The following LSM14B variants were observed in gnomAD, a reference collection of about 807,000 sequenced individuals.
LSM14B encodes LSM family member 14B.
A neutral mutation model predicts 42.1 loss-of-function variants in LSM14B; 8 were observed. The observed-to-expected ratio is 0.19, with a 90% CI of 0.11 to 0.34. The LOEUF (loss-of-function observed/expected upper bound fraction) is 0.34. Among genes scored for constraint, LSM14B ranks in the 10% least tolerant of loss-of-function variants. LSM14B has a pLI of 1.00. For missense variants in LSM14B, 396 were observed against 513.1 expected (o/e 0.77, Z 2.21); for synonymous variants, 219 against 209.7 (o/e 1.04, Z -0.38).
At chr20:62,127,593 G>T in intron 3 of LSM14B, 2 of 1,550,510 alleles carry the variant, frequency 1.3e-6, no homozygotes, top group Non-Finnish European at 1.7e-6. Context: ...AGAGAAGTTG[G>T]TAAGCCCTCC....
In LSM14B at chr20:62,124,798, C is replaced by T. The variant is rs1417985393; in HGVS notation, c.291+18C>T. The T allele has an allele frequency of 1.9e-6, 3 of 1,607,640 alleles. No homozygotes were observed. Among genetic ancestry groups the T allele is most frequent in the Admixed American group, 1.7e-5 (1 of 59,454 alleles). ...TTGTTCAGGTAAGTGTGCCACTGTC[C>T]CTCTGTGCATGCTGTAGGAGATGCT... is the stretch of plus-strand genomic sequence containing the variant. On this transcript the variant is annotated intron_variant, in intron 2 of 8. Coordinates refer to ENST00000279068, the MANE Select transcript of LSM14B (RefSeq NM_144703.3).
In LSM14B at chr20:62,134,160, C is replaced by T. The variant is rs893525121; in HGVS notation, c.*15-3C>T. The T allele has an allele frequency of 8.8e-6, 4 of 454,304 alleles. No individual in the cohort carries two copies. The highest frequency in any genetic ancestry group is 1.8e-5 in the Non-Finnish European group (4 of 218,674). The allele number at this position is 454,304 out of a possible 1,614,324, so 28.1% of individuals were successfully genotyped here. A position where few individuals can be genotyped will look rare whatever the true frequency, so the allele number is the denominator to read the frequency against. ...ATGCTTGACTTCCTGTCATCTCTTG[C>T]AGGCTCCTACTGAAGTGGCGCATAA... On this transcript the variant is annotated splice_region_variant and splice_polypyrimidine_tract_variant and intron_variant, in intron 8 of 8. Transcript: ENST00000279068.
chr20:62,127,938 G>T, intron 3 of LSM14B: 2 of 662,894 alleles, frequency 3.0e-6, no homozygotes, highest in Non-Finnish European at 2.8e-6. Context: ...CAGGTTCTCT[G>T]TTGACCTGTA....
rs780108008 is a variant in LSM14B, at chr20:62,130,531, A to T, written c.675A>T (p.Gly225=). The stretch of plus-strand genomic sequence containing the variant: ...CAGGGCTGTCCTTTGTCCTCACAGG[A>T]AACAGGCGAACAAGGAATCGCTCCA... ...ENRRPQRRRS[G]NRRTRNRSRG... is the part of the protein sequence containing the mutation. Residue 225 remains glycine (G), a splice_region_variant and synonymous_variant, in exon 6 of 9, where the codon GGA becomes GGT. Coordinates refer to ENST00000279068, the MANE Select transcript of LSM14B (RefSeq NM_144703.3). The surrounding 1 kb of genome is among the most constrained non-coding windows in gnomAD (Gnocchi z 4.1). The T allele has an allele frequency of 1.2e-6, 2 of 1,613,678 alleles. No individual in the cohort carries two copies. The highest frequency in any genetic ancestry group is 1.7e-6 in the Non-Finnish European group (2 of 1,179,720).
rs1368363556 is a variant in LSM14B at position 62,130,638 on chromosome 20, A to G, written c.782A>G (p.Gln261Arg). The change falls in exon 6 of 9, where the codon CAG (glutamine) becomes CGG (arginine). Residue 261 changes from glutamine (Q) to arginine (R), a missense_variant. Gln to Arg is a conservative substitution (Grantham distance 43). Coordinates refer to ENST00000279068, the MANE Select transcript of LSM14B (RefSeq NM_144703.3). The surrounding 1 kb of genome is among the most constrained non-coding windows in gnomAD (Gnocchi z 4.1). The part of the protein sequence containing the change: ...GDFDFESANA[Q>R]FNREELDKEF... ...TTTGATTTCGAGAGTGCAAATGCCC[A>G]GTTCAACCGAGAGGAGCTTGACAAA... is the stretch of plus-strand genomic sequence containing the variant. The G allele has an allele frequency of 1.2e-6, 2 of 1,613,880 alleles. No homozygotes were observed. Among genetic ancestry groups the G allele is most frequent in the African/African-American group, 2.7e-5 (2 of 74,944 alleles).
chr20:62,123,856 C>T (rs2056497646), intron 1 of LSM14B, among the ~76,000 whole-genome samples: 1 of 152,236 alleles, frequency 6.6e-6, no homozygotes, highest in Non-Finnish European at 1.5e-5. Context: ...CAGGGCTATG[C>T]ACTCACTTGC....
At chr20:62,128,946 C>A (rs1329191511) in intron 3 of LSM14B, 1 of 1,303,954 alleles carries the variant, frequency 7.7e-7, no homozygotes, top group Non-Finnish European at 1.0e-6. Context: ...TGTTTCAGAT[C>A]TCTGTTCACT....
Position 62,122,782 on chromosome 20 carries a change from C to T in LSM14B, c.116C>T (p.Ala39Val). 6.7e-7 allele frequency: 1 copy of T among 1,503,364 alleles called. No homozygotes were observed. The highest frequency in any genetic ancestry group is 8.9e-7 in the Non-Finnish European group (1 of 1,119,832). 93.1% of individuals were successfully genotyped at this position (1,503,364 alleles called of 1,614,324 possible). ...ATCGACACCGACAACTCCACCGTGGCGCTCGCCAAAGGTAGCGGCCGCCGC... is the reference window on the plus strand; with the variant it reads ...ATCGACACCGACAACTCCACCGTGGTGCTCGCCAAAGGTAGCGGCCGCCGC... ...YTIDTDNSTV[A>V]LAKVRSFGTE... Residue 39 changes from alanine (A) to valine (V), a missense_variant, in exon 1 of 9, where the codon GCG becomes GTG. Physicochemically the swap from Ala to Val is moderately conservative, Grantham distance 64. This residue lies in a region of LSM14B where 274 missense variants were observed against 335.8 expected (regional missense o/e 0.82). Coordinates refer to ENST00000279068, the MANE Select transcript of LSM14B (RefSeq NM_144703.3). This position sits in a 1 kb window ranked among gnomAD's most constrained non-coding sequence, Gnocchi z 4.6.
Position 62,122,956 on chromosome 20 carries a change from C to G in LSM14B, c.127+163C>G, listed in dbSNP as rs1012308809. Among the ~76,000 whole-genome samples, 1 of 151,772 alleles carries G rather than the reference C, an allele frequency of 6.6e-6. No individual in the cohort carries two copies. Among genetic ancestry groups the G allele is most frequent in the Non-Finnish European group, 1.5e-5 (1 of 67,858 alleles). On this transcript the variant is annotated intron_variant, in intron 1 of 8. Transcript: ENST00000279068. The surrounding 1 kb of genome is among the most constrained non-coding windows in gnomAD (Gnocchi z 4.6). Reference sequence around the variant, plus strand: ...CGAGATCCCCTGCCCGCGCCTTCACCCCGGACGCCCCCGAGGCGCCCCCTT... The same window carrying G: ...CGAGATCCCCTGCCCGCGCCTTCACGCCGGACGCCCCCGAGGCGCCCCCTT...
In LSM14B at chr20:62,134,610, G is replaced by A. The variant is rs1182354109; in HGVS notation, c.*462G>A. The A allele has an allele frequency of 4.5e-6, 1 of 220,074 alleles. No individual in the cohort carries two copies. Among genetic ancestry groups the A allele is most frequent in the African/African-American group, 2.4e-5 (1 of 41,102 alleles). 13.6% of individuals were successfully genotyped at this position (220,074 alleles called of 1,614,324 possible). ...TTGGCCTGGCACCCCACTGCCAAGGGTGGGGTCTCAGGAGTCAGGCAGGGC... is the reference window on the plus strand; with the variant it reads ...TTGGCCTGGCACCCCACTGCCAAGGATGGGGTCTCAGGAGTCAGGCAGGGC... On this transcript the variant is annotated 3_prime_UTR_variant, in exon 9 of 9. Transcript: ENST00000279068.
At chr20:62,128,020 A>G in intron 3 of LSM14B, 1 of 599,854 alleles carries the variant, frequency 1.7e-6, no homozygotes, top group Non-Finnish European at 3.0e-6. Flanking sequence ...GCTGGGTCCT[A>G]AATGTGTTCC....
intron 3 of LSM14B, chr20:62,127,700 G>A (rs2056646421): frequency 1.3e-6 from 2 of 1,546,364 alleles, no homozygotes; most frequent in Non-Finnish European, 1.7e-6. Context: ...TCACTGCCAA[G>A]GGTAACAGCA....
At chr20:62,129,147 T>C in intron 3 of LSM14B, 1 of 450,388 alleles carries the variant, frequency 2.2e-6, no homozygotes, top group Non-Finnish European at 4.0e-6. Flanking sequence ...TGCCAAAGGC[T>C]ACCTAGGAGC....
rs79931825 is a variant in LSM14B at position 62,127,357 on chromosome 20, C to T, written c.427+918C>T. Among the ~76,000 whole-genome samples, 1,056 of 152,324 alleles carry T rather than the reference C, an allele frequency of 6.9e-3. 22 individuals carry two copies. The highest frequency in any genetic ancestry group is 0.024 in the African/African-American group (995 of 41,566). ...AAGTAGTGAGACAGGGAACCCTAAACGAGGTCTGTAGGCCACTTGCTGCTA... is the reference window on the plus strand; with the variant it reads ...AAGTAGTGAGACAGGGAACCCTAAATGAGGTCTGTAGGCCACTTGCTGCTA... On this transcript the variant is annotated intron_variant, in intron 3 of 8. Coordinates refer to ENST00000279068, the MANE Select transcript of LSM14B (RefSeq NM_144703.3).
chr20:62,124,872 G>T, intron 2 of LSM14B, 92 bp downstream of exon 2: 2 of 1,293,934 alleles, frequency 1.5e-6, no homozygotes, highest in Non-Finnish European at 2.1e-6. Context: ...CGCTCAATGT[G>T]AGGAATAACC....
intron 1 of LSM14B, among the ~76,000 whole-genome samples, chr20:62,123,774 C>T (rs1012642718): frequency 6.6e-6 from 1 of 152,222 alleles, no homozygotes; most frequent in African/African-American, 2.4e-5. Context: ...GAAGAACGCA[C>T]TCATTCCAAA....
In LSM14B at chr20:62,130,195, T is replaced by C; in HGVS notation, c.596-24T>C. On this transcript the variant is annotated intron_variant, in intron 4 of 8. Coordinates refer to ENST00000279068, the MANE Select transcript of LSM14B (RefSeq NM_144703.3). The surrounding 1 kb of genome is among the most constrained non-coding windows in gnomAD (Gnocchi z 4.1). Reference sequence around the variant, plus strand: ...TTCCGGCTGCTATAGGAGCTTTGCCTTACTCTTCCCTTTTGCGCCGTAGAT... The same window carrying C: ...TTCCGGCTGCTATAGGAGCTTTGCCCTACTCTTCCCTTTTGCGCCGTAGAT... The C allele has an allele frequency of 6.3e-7, 1 of 1,577,042 alleles. No homozygotes were observed. The highest frequency in any genetic ancestry group is 8.6e-7 in the Non-Finnish European group (1 of 1,161,704).
At position 62,130,559 on chromosome 20, in the gene LSM14B, G is replaced by A; in HGVS notation, c.703G>A (p.Gly235Arg). ...GNRRTRNRSR[G>R]QNRPTNVKEN... ...CAGGCGAACAAGGAATCGCTCCAGA[G>A]GGCAAAACCGTCCAACTAACGTTAA... Residue 235 changes from glycine to arginine, a missense_variant, in exon 6 of 9, where the codon GGG (glycine) becomes AGG (arginine). Around this residue, in one of 3 missense-constraint regions of LSM14B, gnomAD observed 274 missense variants for 335.8 expected, o/e 0.82. Coordinates refer to ENST00000279068, the MANE Select transcript of LSM14B (RefSeq NM_144703.3). This position sits in a 1 kb window ranked among gnomAD's most constrained non-coding sequence, Gnocchi z 4.1. The A allele has an allele frequency of 6.2e-7, 1 of 1,613,904 alleles. No individual in the cohort carries two copies. The highest frequency in any genetic ancestry group is 1.1e-5 in the South Asian group (1 of 91,072).
At chr20:62,126,122 A>T in intron 2 of LSM14B, 182 bp from the exon 3 acceptor site, 3 of 742,528 alleles carry the variant, frequency 4.0e-6, no homozygotes, top group Non-Finnish European at 6.8e-6. Context: ...CTGGAACTGA[A>T]ATGCTGTGGA....
Sources: gnomAD v4.1 joint callset for allele counts (sites outside exome capture counted in the v4.1 genomes callset) on GRCh38, gnomAD v4.1.1 for gene constraint, gnomAD v4.1.1 regional missense constraint, Gnocchi (gnomAD v3.1) non-coding constraint, MANE v1.5 for transcripts, NCBI Gene and HGNC (gene_info 2026-07-23, HGNC 2026-07-21) for gene names.